ANO4: variants seen among roughly 807,000 people sequenced by gnomAD.
ANO4 encodes anoctamin-4.
ANO4 carries 69 observed loss-of-function variants against 141.9 expected under a neutral mutation model. The observed-to-expected ratio is 0.49, with a 90% CI of 0.40 to 0.59. The LOEUF (loss-of-function observed/expected upper bound fraction) is 0.59. ANO4 is among the 20% of genes least tolerant of loss of function. The pLI is 0.00. For missense variants in ANO4, 894 were observed against 1,162.2 expected (o/e 0.77, Z 3.36); for synonymous variants, 350 against 394.3 (o/e 0.89, Z 1.33).
At chr12:101,033,707 C>T (rs752188855) in intron 9 of ANO4, among the ~76,000 whole-genome samples, 2 of 152,106 alleles carry the variant, frequency 1.3e-5, no homozygotes, top group African/African-American at 2.4e-5. Context: ...AACAGACAAT[C>T]TACAGAGCGG....
chr12:101,058,461 C>T (rs1289130751), intron 14 of ANO4, among the ~76,000 whole-genome samples: 2 of 152,126 alleles, frequency 1.3e-5, no homozygotes, highest in Admixed American at 6.6e-5. Flanking sequence ...GAAGTATGGC[C>T]ATTTTCACAA....
intron 3 of ANO4, among the ~76,000 whole-genome samples, chr12:100,789,180 A>G (rs1211092789): frequency 1.3e-5 from 2 of 152,200 alleles, no homozygotes; most frequent in African/African-American, 2.4e-5. Flanking sequence ...CTCATGCTAC[A>G]TAGTCAGGCA....
intron 18 of ANO4, among the ~76,000 whole-genome samples, chr12:101,095,270 C>T (rs1164315111): frequency 1.4e-5 from 2 of 143,276 alleles, no homozygotes; most frequent in Non-Finnish European, 3.0e-5. Flanking sequence ...CTTCCATCAC[C>T]ACCAGTTCTT....
intron 1 of ANO4, among the ~76,000 whole-genome samples, chr12:100,892,901 C>T (rs376899099): frequency 1.3e-5 from 2 of 152,074 alleles, no homozygotes; most frequent in South Asian, 2.1e-4. Context: ...CTCCCTGCCA[C>T]CCCCGGCACC....
Position 100,808,935 on chromosome 12 carries a change from CATT to C in ANO4, c.-141+13909_-141+13911del, listed in dbSNP as rs540011506. ...GATTCTTTTGCAAAGTGTTCCATATCATTGTCTTATATTAATTCATTGACTATT... is the reference window on the plus strand; with the variant it reads ...GATTCTTTTGCAAAGTGTTCCATATCGTCTTATATTAATTCATTGACTATT... On this transcript the variant is annotated intron_variant, in intron 1 of 27. Transcript: ENST00000392977. Among the ~76,000 whole-genome samples the C allele has an allele frequency of 2.2e-3, 337 of 152,278 alleles. 2 individuals carry two copies. The highest frequency in any genetic ancestry group is 3.9e-3 in the Non-Finnish European group (263 of 68,022).
chr12:100,786,126 C>T (rs1044836918), intron 3 of ANO4, among the ~76,000 whole-genome samples: 2 of 152,150 alleles, frequency 1.3e-5, no homozygotes, highest in East Asian at 3.9e-4. Flanking sequence ...TATTAGAGTT[C>T]ATTCTTAATT....
intron 1 of ANO4, among the ~76,000 whole-genome samples, chr12:100,857,710 T>C (rs778502545): frequency 2.6e-5 from 4 of 152,146 alleles, no homozygotes; most frequent in Non-Finnish European, 5.9e-5. Flanking sequence ...ATCCGCTGTG[T>C]TTGAGGAGTG....
At chr12:100,919,714 A>ATGTG (rs2041527280) in intron 2 of ANO4, among the ~76,000 whole-genome samples, 2 of 133,916 alleles carry the variant, frequency 1.5e-5, no homozygotes, top group African/African-American at 5.7e-5. Context: ...GTATGTATGT[A>ATGTG]TGTATGTATG....
chr12:100,842,618 A>T lies in ANO4; in HGVS notation c.-141+47591A>T, dbSNP rs80180558. Reference sequence around the variant, plus strand: ...AGACTGGGTAATATAAAGATAATAGAAATTTGTTTCTCCCAGTTCTCAAGG... The same window carrying T: ...AGACTGGGTAATATAAAGATAATAGTAATTTGTTTCTCCCAGTTCTCAAGG... On this transcript the variant is annotated intron_variant, in intron 1 of 27. Transcript: ENST00000392977. 7.9e-3 allele frequency among the ~76,000 whole-genome samples: 1,206 copies of T among 152,178 alleles called. 23 individuals are homozygous for T. Among genetic ancestry groups the T allele is most frequent in the East Asian group, 0.027 (140 of 5,170 alleles).
intron 3 of ANO4, among the ~76,000 whole-genome samples, chr12:100,771,242 G>A (rs1455527307): frequency 6.6e-6 from 1 of 152,120 alleles, no homozygotes; most frequent in Non-Finnish European, 1.5e-5. Context: ...CTCATCTAGG[G>A]TCAGATCAGT....
intron 3 of ANO4, among the ~76,000 whole-genome samples, chr12:100,936,303 G>C (rs75015363): frequency 0.092 from 13,971 of 152,140 alleles, 926 homozygotes; most frequent in African/African-American, 0.17. Flanking sequence ...TCACTCTGTG[G>C]TAGGGGCTGT....
intron 1 of ANO4, among the ~76,000 whole-genome samples, chr12:100,870,931 C>T (rs950210430): frequency 1.1e-4 from 16 of 152,114 alleles, no homozygotes; most frequent in Admixed American, 2.0e-4. Context: ...CCTTATTTAT[C>T]TGGAGAATAG....
chr12:100,936,104 C>G (rs991556638), intron 3 of ANO4, among the ~76,000 whole-genome samples: 1 of 152,158 alleles, frequency 6.6e-6, no homozygotes, highest in African/African-American at 2.4e-5. Context: ...TAACAGATTG[C>G]CATGACTGAC....
At chr12:100,836,678 T>C (rs1168762274) in intron 1 of ANO4, among the ~76,000 whole-genome samples, 1 of 152,058 alleles carries the variant, frequency 6.6e-6, no homozygotes, top group Non-Finnish European at 1.5e-5. Context: ...TAGGCAATGC[T>C]TCCAAGGGAG....
intron 22 of ANO4, 148 bp downstream of exon 22, chr12:101,099,868 G>T: frequency 1.8e-6 from 1 of 545,998 alleles, no homozygotes; most frequent in South Asian, 5.6e-5. Flanking sequence ...TGCTTAAACT[G>T]TGCTACACTT....
chr12:100,763,615 C>T (rs917078211), intron 3 of ANO4, among the ~76,000 whole-genome samples: 1 of 152,226 alleles, frequency 6.6e-6, no homozygotes, highest in South Asian at 2.1e-4. Context: ...CCAGAGCCTC[C>T]TTATCTCCCC....
At chr12:100,944,152 G>A (rs1312578666) in intron 5 of ANO4, among the ~76,000 whole-genome samples, 2 of 152,120 alleles carry the variant, frequency 1.3e-5, no homozygotes, top group African/African-American at 4.8e-5. Flanking sequence ...AACTTAAAAA[G>A]CCTAATGCTT....
chr12:100,807,768 A>G (rs969724479), intron 1 of ANO4, among the ~76,000 whole-genome samples: 1 of 152,134 alleles, frequency 6.6e-6, no homozygotes, highest in African/African-American at 2.4e-5. Context: ...ATGAGTTCTC[A>G]TCATTCAGCT....
rs561806253 is a variant in ANO4, at chr12:100,783,781, T to C, written c.358+43676T>C. Among the ~76,000 whole-genome samples the C allele has an allele frequency of 5.1e-4, 77 of 152,314 alleles. 1 individual carries two copies. The highest frequency in any genetic ancestry group is 1.8e-3 in the African/African-American group (74 of 41,576). ...GATATTACTAGCCCACAACTGCGTT[T>C]CTTCACTTCAGAATGGTGATGTACC... is the stretch of plus-strand genomic sequence containing the variant. On this transcript the variant is annotated intron_variant, in intron 3 of 29. Transcript: ENST00000644049.
Sources: allele counts gnomAD v4.1 joint callset (sites outside exome capture counted in the v4.1 genomes callset), GRCh38; gene constraint gnomAD v4.1.1; transcripts MANE v1.5; gene names NCBI Gene and HGNC (gene_info 2026-07-23, HGNC 2026-07-21).